FYB1: variants seen among roughly 807,000 people sequenced by gnomAD.
FYB1 encodes the protein FYN binding protein 1, also known as FYN-binding protein 1.
A neutral mutation model predicts 94.1 loss-of-function variants in FYB1; 41 were observed. That is an observed-to-expected ratio of 0.44 (90% CI 0.34 to 0.57). The LOEUF is 0.57. FYB1 is among the 20% of genes least tolerant of loss of function. FYB1 has a pLI of 0.02. For missense variants in FYB1, 1,050 were observed against 976.8 expected (o/e 1.07, Z -1.00); for synonymous variants, 367 against 353.2 (o/e 1.04, Z -0.44).
chr5:39,272,125 C>A (rs762247730), intron 1 of FYB1, among the ~76,000 whole-genome samples: 1 of 152,098 alleles, frequency 6.6e-6, no homozygotes, highest in Non-Finnish European at 1.5e-5. Flanking sequence ...CCAGGCTTCA[C>A]CCCAGGTTAT....
At chr5:39,110,534 C>T in intron 16 of FYB1, 145 bp from the exon 17 acceptor site, 1 of 484,698 alleles carries the variant, frequency 2.1e-6, no homozygotes, top group Non-Finnish European at 3.7e-6. Flanking sequence ...ATTTTTCTTA[C>T]TTGTGTCTAC....
chr5:39,138,483 C>T, intron 6 of FYB1, 174 bp downstream of exon 6: 1 of 487,148 alleles, frequency 2.1e-6, no homozygotes, highest in South Asian at 3.1e-5. Context: ...TTGTAGAATT[C>T]TTAGAGAACT....
intron 2 of FYB1, chr5:39,170,279 C>A: frequency 9.5e-6 from 13 of 1,362,694 alleles, no homozygotes; most frequent in South Asian, 4.2e-5. Context: ...GCCCCTTGAT[C>A]AACTCAGTTT....
Position 39,152,918 on chromosome 5 carries a change from T to TACAACCA in FYB1, c.1292+529_1292+530insTGGTTGT, listed in dbSNP as rs1267182932. ...TTCAGACTACATTGGTTGAAATTTTTATTCTACACTATTTTGTGGTCTTGG... is the reference window on the plus strand; with the variant it reads ...TTCAGACTACATTGGTTGAAATTTTTACAACCAATTCTACACTATTTTGTGGTCTTGG... On this transcript the variant is annotated intron_variant, in intron 3 of 18. Coordinates refer to ENST00000512982, the MANE Select transcript of FYB1 (RefSeq NM_001465.6). Among the ~76,000 whole-genome samples, 5 of 152,342 alleles carry TACAACCA rather than the reference T, an allele frequency of 3.3e-5. No individual in the cohort carries two copies. The East Asian group carries it at 9.6e-4, about 29-fold the overall frequency.
chr5:39,207,061 T>C (rs1412285012), intron 1 of FYB1, among the ~76,000 whole-genome samples: 1 of 152,210 alleles, frequency 6.6e-6, no homozygotes, highest in African/African-American at 2.4e-5. Flanking sequence ...CAGAACCTTT[T>C]TAACTTACTG....
chr5:39,245,224 C>T (rs747595741), intron 1 of FYB1, among the ~76,000 whole-genome samples: 2 of 152,108 alleles, frequency 1.3e-5, no homozygotes, highest in Admixed American at 1.3e-4. Context: ...ATCTGTATAG[C>T]AATCATATTT....
At chr5:39,216,226 C>T (rs1428314784) in intron 1 of FYB1, among the ~76,000 whole-genome samples, 2 of 152,124 alleles carry the variant, frequency 1.3e-5, no homozygotes, top group Admixed American at 1.3e-4. Context: ...ATAATACACG[C>T]CCTTACAAAA....
rs1741883823 is a variant in FYB1 at position 39,138,754 on chromosome 5, C to T, written c.1360-63G>A. ...ATTTAAAAAGTTGACACACATATTA[C>T]ATTGCTTAGACTTAAAATGAAGGCA... is the stretch of plus-strand genomic sequence containing the variant. On this transcript the variant is annotated intron_variant, in intron 5 of 18. Transcript: ENST00000512982. The T allele has an allele frequency of 4.3e-6, 4 of 931,892 alleles. No individual in the cohort carries two copies. In the Admixed American group the frequency reaches 8.4e-5, roughly 20 times the overall value. 57.7% of individuals were successfully genotyped at this position (931,892 alleles called of 1,614,324 possible). A position where few individuals can be genotyped will look rare whatever the true frequency, so the allele number is the denominator to read the frequency against.
chr5:39,109,046 A>G (rs1440953413), intron 17 of FYB1, among the ~76,000 whole-genome samples: 1 of 152,152 alleles, frequency 6.6e-6, no homozygotes, highest in African/African-American at 2.4e-5. Flanking sequence ...AAACATGAAC[A>G]TTGCCTTGAA....
At chr5:39,144,820 A>G (rs558600446) in intron 3 of FYB1, among the ~76,000 whole-genome samples, 2 of 152,270 alleles carry the variant, frequency 1.3e-5, no homozygotes, top group African/African-American at 2.4e-5. Context: ...ACCAAAAAAC[A>G]ACAACAAAAT....
At chr5:39,138,411 CTG>C in intron 6 of FYB1, 1 of 346,706 alleles carries the variant, frequency 2.9e-6, no homozygotes, top group South Asian at 6.2e-5. Context: ...GATTCCCTGA[CTG>C]TGGTTTATCT....
At chr5:39,134,128 TA>T in intron 9 of FYB1, 79 bp downstream of exon 9, 2 of 1,116,516 alleles carry the variant, frequency 1.8e-6, no homozygotes, top group South Asian at 1.8e-5. Context: ...TTATGGAGGG[TA>T]AAATTCTAGG....
rs1741050678 is a variant in FYB1 at position 39,130,062 on chromosome 5, T to C, written c.1840+528A>G. Among the ~76,000 whole-genome samples the C allele has an allele frequency of 2.7e-5, 4 of 150,132 alleles. No individual in the cohort carries two copies. The South Asian group carries it at 8.5e-4, about 32-fold the overall frequency. On this transcript the variant is annotated intron_variant, in intron 10 of 18. Coordinates refer to ENST00000512982, the MANE Select transcript of FYB1 (RefSeq NM_001465.6). ...ATTTTGTCTATACGCAATGAAATACTATTTGGTCATAAAAAAAAAAGAATG... is the reference window on the plus strand; with the variant it reads ...ATTTTGTCTATACGCAATGAAATACCATTTGGTCATAAAAAAAAAAGAATG...
chr5:39,227,290 G>A (rs749157860), intron 1 of FYB1, among the ~76,000 whole-genome samples: 8 of 152,132 alleles, frequency 5.3e-5, no homozygotes, highest in Non-Finnish European at 1.2e-4. Context: ...GATAATTTTG[G>A]TACAACTGGA....
chr5:39,170,410 G>C, intron 2 of FYB1: 1 of 526,520 alleles, frequency 1.9e-6, no homozygotes, highest in Non-Finnish European at 3.3e-6. Context: ...GCCGTCCTGG[G>C]CCGGACCCCC....
intron 1 of FYB1, among the ~76,000 whole-genome samples, chr5:39,236,737 A>G (rs1029388108): frequency 5.3e-5 from 8 of 152,166 alleles, no homozygotes; most frequent in African/African-American, 1.9e-4. Flanking sequence ...TTGTAAATTC[A>G]GAGGAAGCTA....
chr5:39,205,352 C>G (rs927872443), intron 1 of FYB1, among the ~76,000 whole-genome samples: 39 of 152,136 alleles, frequency 2.6e-4, no homozygotes, highest in African/African-American at 8.2e-4. Context: ...TCTCACCTCC[C>G]TAATGGGAAT....
At chr5:39,273,145 C>T (rs1752712757) in intron 1 of FYB1, among the ~76,000 whole-genome samples, 1 of 152,070 alleles carries the variant, frequency 6.6e-6, no homozygotes, top group South Asian at 2.1e-4. Context: ...GGAGGTGTAC[C>T]CAACAGCTCA....
intron 1 of FYB1, among the ~76,000 whole-genome samples, chr5:39,267,133 TGTTAGAGGAATTTAATGAGATA>T (rs1237920568): frequency 1.3e-5 from 2 of 152,148 alleles, no homozygotes; most frequent in Non-Finnish European, 2.9e-5. Flanking sequence ...TTGCAGGAAT[TGTTAGAGGAATTTAATGAGATA>T]GTGTATGTCA....
Sources: gnomAD v4.1 joint callset for allele counts (sites outside exome capture counted in the v4.1 genomes callset) on GRCh38, gnomAD v4.1.1 for gene constraint, MANE v1.5 for transcripts, NCBI Gene and HGNC (gene_info 2026-07-23, HGNC 2026-07-21) for gene names.